SYNE2: variants seen among roughly 807,000 people sequenced by gnomAD.
The protein encoded by SYNE2 is spectrin repeat containing nuclear envelope protein 2.
A neutral mutation model predicts 856.3 loss-of-function variants in SYNE2; 431 were observed. That is an observed-to-expected ratio of 0.50 (90% CI 0.47 to 0.55). The LOEUF (loss-of-function observed/expected upper bound fraction) is 0.55. Among genes scored for constraint, SYNE2 ranks in the 20% least tolerant of loss-of-function variants. The probability of loss-of-function intolerance (pLI) is 0.00; values close to 1 mark genes in which losing one functional copy is unlikely to be tolerated. For synonymous variants in SYNE2, 2,923 were observed against 2,872.3 expected (o/e 1.02, Z -0.56); for missense variants, 8,129 against 8,023.2 (o/e 1.01, Z -0.50).
intron 98 of SYNE2, 108 bp from the exon 99 acceptor site, chr14:64,189,962 CA>C: frequency 2.1e-6 from 2 of 965,678 alleles, no homozygotes; most frequent in Non-Finnish European, 3.0e-6. Flanking sequence ...TATGCCTGGC[CA>C]ATTTTTTTTT....
At chr14:64,063,811 A>G (rs768551839) in intron 50 of SYNE2, among the ~76,000 whole-genome samples, 6 of 152,258 alleles carry the variant, frequency 3.9e-5, no homozygotes, top group Non-Finnish European at 7.3e-5. Flanking sequence ...CTTAAAAATA[A>G]CAAAATGTAC....
chr14:63,859,664 A>G (rs1487403234), intron 1 of SYNE2, among the ~76,000 whole-genome samples: 1 of 152,162 alleles, frequency 6.6e-6, no homozygotes, highest in African/African-American at 2.4e-5. Flanking sequence ...TAAAAATACA[A>G]AATTAGCTGG....
At chr14:64,091,705 C>A (rs2097617387) in intron 60 of SYNE2, among the ~76,000 whole-genome samples, 1 of 152,164 alleles carries the variant, frequency 6.6e-6, no homozygotes. Flanking sequence ...CAGGAATCAT[C>A]ATTAGTTAGG....
chr14:64,168,794 T>G, intron 92 of SYNE2, 83 bp from the exon 93 acceptor site: 3 of 965,154 alleles, frequency 3.1e-6, no homozygotes, highest in Non-Finnish European at 3.3e-6. Context: ...TTTGTAAGCT[T>G]AGATTTTAAT....
chr14:64,022,604 A>C (rs1188390071), intron 37 of SYNE2, 147 bp from the exon 38 acceptor site: 1 of 677,606 alleles, frequency 1.5e-6, no homozygotes, highest in Non-Finnish European at 2.7e-6. Flanking sequence ...AGGCTTTATT[A>C]GCCCTCAAAA....
chr14:63,990,716 T>G (rs974984346), intron 20 of SYNE2, 147 bp downstream of exon 20: 1 of 822,744 alleles, frequency 1.2e-6, no homozygotes, highest in Non-Finnish European at 2.0e-6. Flanking sequence ...TCTTTATAAT[T>G]TAAAGCGTAT....
intron 103 of SYNE2, among the ~76,000 whole-genome samples, chr14:64,211,365 C>T (rs2098640155): frequency 6.6e-6 from 1 of 152,180 alleles, no homozygotes; most frequent in Non-Finnish European, 1.5e-5. Context: ...ACATCAGCTG[C>T]CTATCTGTGA....
chr14:63,962,207 C>T (rs749291630), intron 9 of SYNE2, among the ~76,000 whole-genome samples: 1 of 151,986 alleles, frequency 6.6e-6, no homozygotes, highest in Non-Finnish European at 1.5e-5. Flanking sequence ...AGGCATGTGC[C>T]ACCATACCCG....
chr14:63,958,545 A>G (rs1316051579), intron 8 of SYNE2, among the ~76,000 whole-genome samples: 1 of 152,156 alleles, frequency 6.6e-6, no homozygotes, highest in Non-Finnish European at 1.5e-5. Context: ...TATTGTCAAC[A>G]TGATTTATTA....
At chr14:64,145,046 C>G (rs1054108688) in intron 83 of SYNE2, among the ~76,000 whole-genome samples, 2 of 151,490 alleles carry the variant, frequency 1.3e-5, no homozygotes, top group Non-Finnish European at 1.5e-5. Flanking sequence ...CCTGCCTCAG[C>G]CTCCCAAATA....
intron 2 of SYNE2, among the ~76,000 whole-genome samples, chr14:63,937,214 G>A (rs1369968409): frequency 6.6e-6 from 1 of 152,174 alleles, no homozygotes; most frequent in Non-Finnish European, 1.5e-5. Context: ...GGGAGGAGAA[G>A]ACCTGGAGAC....
intron 57 of SYNE2, among the ~76,000 whole-genome samples, chr14:64,085,481 T>G (rs2097554300): frequency 1.3e-5 from 2 of 152,224 alleles, no homozygotes; most frequent in African/African-American, 4.8e-5. Flanking sequence ...CTGTGAATGT[T>G]TATATATAAA....
At chr14:64,047,359 T>A (rs1350309359) in intron 45 of SYNE2, among the ~76,000 whole-genome samples, 1 of 151,854 alleles carries the variant, frequency 6.6e-6, no homozygotes, top group East Asian at 1.9e-4. Context: ...AGCATAACAG[T>A]GTAGAAAACC....
At chr14:63,857,573 A>G (rs1202022015) in intron 1 of SYNE2, among the ~76,000 whole-genome samples, 2 of 152,210 alleles carry the variant, frequency 1.3e-5, no homozygotes, top group East Asian at 3.9e-4. Flanking sequence ...GTTATATAAT[A>G]TAACCAAAAT....
chr14:63,846,589 TTTTG>T (rs772029912), intron 1 of SYNE2, among the ~76,000 whole-genome samples: 11 of 151,716 alleles, frequency 7.3e-5, no homozygotes, highest in East Asian at 1.9e-4. Flanking sequence ...TTTTTCTGTT[TTTTG>T]TTTGTTTGTT....
At chr14:63,875,564 C>T (rs1209805623) in intron 1 of SYNE2, among the ~76,000 whole-genome samples, 9 of 151,622 alleles carry the variant, frequency 5.9e-5, no homozygotes, top group Non-Finnish European at 1.2e-4. Context: ...CTGTTGCCTG[C>T]GTTTGTGGAA....
chr14:63,940,492 G>C, intron 2 of SYNE2, 122 bp from the exon 3 acceptor site: 2 of 875,252 alleles, frequency 2.3e-6, no homozygotes, highest in Admixed American at 3.9e-5. Flanking sequence ...CTAAATCCTG[G>C]AAAGTTTGTA....
chr14:63,990,697 T>C, intron 20 of SYNE2, 128 bp downstream of exon 20: 2 of 895,220 alleles, frequency 2.2e-6, no homozygotes, highest in Non-Finnish European at 3.5e-6. Context: ...TTTTGCATTA[T>C]GTTTTATTTC....
intron 92 of SYNE2, 122 bp downstream of exon 92, chr14:64,167,761 T>G: frequency 7.5e-7 from 1 of 1,341,798 alleles, no homozygotes; most frequent in Non-Finnish European, 1.0e-6. Flanking sequence ...TGTATACCTT[T>G]AAGCAAATTC....
Sources: gnomAD v4.1 joint callset for allele counts (sites outside exome capture counted in the v4.1 genomes callset) on GRCh38, gnomAD v4.1.1 for gene constraint, MANE v1.5 for transcripts, NCBI Gene and HGNC (gene_info 2026-07-23, HGNC 2026-07-21) for gene names.